The following MAGEA8 variants were observed in gnomAD, a reference collection of about 807,000 sequenced individuals.
MAGEA8 encodes melanoma-associated antigen 8.
For missense variants in MAGEA8, 229 were observed against 251.1 expected (o/e 0.91, Z 0.59); for synonymous variants, 104 against 102.6 (o/e 1.01, Z -0.08).
Position 149,884,285 on chromosome X carries a change from C to G in MAGEA8, c.13C>G (p.Gln5Glu), listed in dbSNP as rs142711367. 15 of 1,190,597 alleles carry G rather than the reference C, an allele frequency of 1.3e-5. No individual in the cohort carries two copies. The African/African-American group carries it at 2.5e-4, about 19-fold the overall frequency. Residue 5 changes from glutamine to glutamate, a missense_variant, in exon 3 of 3, where the codon CAG (glutamine) becomes GAG (glutamate). Physicochemically the swap from Gln to Glu is conservative, Grantham distance 29 (BLOSUM62 2). Transcript: ENST00000286482. MLLGQKSQRYKAEEG... is the reference protein window; with the variant it reads MLLGEKSQRYKAEEG... ...GACCTGAGTCATCATGCTTCTTGGG[C>G]AGAAGAGTCAGCGCTACAAGGCTGA...
In MAGEA8 at chrX:149,884,737, C is replaced by T; in HGVS notation, c.465C>T (p.Ser155=). The T allele has an allele frequency of 8.3e-7, 1 of 1,211,246 alleles. No homozygotes were observed. Among genetic ancestry groups the T allele is most frequent in the Non-Finnish European group, 1.1e-6 (1 of 894,881 alleles). ...AGAACCACTTTCCTGATATCTTCAG[C>T]AAAGCCTCTGAGTGCATGCAGGTGA... ...NYKNHFPDIF[S]KASECMQVIF... is the part of the protein sequence containing the mutation. Residue 155 remains serine (S), a synonymous_variant, in exon 3 of 3, where the codon AGC becomes AGT. Transcript: ENST00000286482.
In MAGEA8 at chrX:149,885,688, T is replaced by G. The variant is rs1569561975; in HGVS notation, c.*459T>G. 2 of 198,191 alleles carry G rather than the reference T, an allele frequency of 1.0e-5. No individual in the cohort carries two copies. The highest frequency in any genetic ancestry group is 2.9e-5 in the African/African-American group (1 of 33,951). The allele number at this position is 198,191 out of a possible 1,213,427, so 16.3% of individuals were successfully genotyped here. A position where few individuals can be genotyped will look rare whatever the true frequency, so the allele number is the denominator to read the frequency against. On this transcript the variant is annotated 3_prime_UTR_variant, in exon 3 of 3. Transcript: ENST00000286482. ...TTAGAAATGTGAAACAACATAGCAGTAAAATACATGAGATAAAGACATAAA... is the reference window on the plus strand; with the variant it reads ...TTAGAAATGTGAAACAACATAGCAGGAAAATACATGAGATAAAGACATAAA...
Position 149,885,005 on chromosome X carries a change from C to T in MAGEA8, c.733C>T (p.Leu245Phe). The T allele has an allele frequency of 8.3e-7, 1 of 1,208,320 alleles. No individual in the cohort carries two copies. The highest frequency in any genetic ancestry group is 1.1e-6 in the Non-Finnish European group (1 of 893,704). ...DGREHSVYWKLRKLLTQEWVQ... is the reference protein window; with the variant it reads ...DGREHSVYWKFRKLLTQEWVQ... ...GAGGGAGCACAGTGTCTATTGGAAG[C>T]TCAGGAAGCTGCTCACCCAAGAGTG... The change falls in exon 3 of 3, where the codon CTC (leucine) becomes TTC (phenylalanine). Residue 245 changes from leucine to phenylalanine, a missense_variant. Leu to Phe is a conservative substitution (Grantham distance 22). Coordinates refer to ENST00000286482, the MANE Select transcript of MAGEA8 (RefSeq NM_005364.5).
At position 149,884,441 on chromosome X, in the gene MAGEA8, G is replaced by T; in HGVS notation, c.169G>T (p.Gly57Trp). ...AACCCTTGAGGAGGTGACTGATTCT[G>T]GGTCACCAAGTCCTCCCCAGAGTCC... is the stretch of plus-strand genomic sequence containing the variant. The part of the protein sequence containing the change: ...MGTLEEVTDS[G>W]SPSPPQSPEG... Residue 57 changes from glycine (G) to tryptophan (W), a missense_variant, in exon 3 of 3, where the codon GGG becomes TGG. Gly to Trp is a radical substitution (Grantham distance 184). Coordinates refer to ENST00000286482, the MANE Select transcript of MAGEA8 (RefSeq NM_005364.5). The T allele has an allele frequency of 8.3e-7, 1 of 1,211,084 alleles. No individual in the cohort carries two copies. The highest frequency in any genetic ancestry group is 1.7e-5 in the African/African-American group (1 of 57,769).
At position 149,884,525 on chromosome X, in the gene MAGEA8, G is replaced by A. The variant is rs1415137949; in HGVS notation, c.253G>A (p.Glu85Lys). Residue 85 changes from glutamate to lysine, a missense_variant, in exon 3 of 3, where the codon GAG becomes AAG. Transcript: ENST00000286482. Reference sequence around the variant, plus strand: ...CAGCACTCTGTGGAGCCAATCCGATGAGGGTTCCAGCAGCAATGAAGAGGA... The same window carrying A: ...CAGCACTCTGTGGAGCCAATCCGATAAGGGTTCCAGCAGCAATGAAGAGGA... The part of the protein sequence containing the change: ...TDSTLWSQSD[E>K]GSSSNEEEGP... The A allele has an allele frequency of 8.3e-7, 1 of 1,211,747 alleles. No homozygotes were observed. Among genetic ancestry groups the A allele is most frequent in the African/African-American group, 1.7e-5 (1 of 57,849 alleles).
chrX:149,883,840 T>C (rs1557370784), intron 1 of MAGEA8: 1 of 119,918 alleles, frequency 8.3e-6, no homozygotes, highest in Non-Finnish European at 1.7e-5. Context: ...GGAACCAGGC[T>C]GTGAGGTCTT....
intron 1 of MAGEA8, chrX:149,883,154 G>A (rs922888741): frequency 1.8e-5 from 2 of 112,262 alleles, no homozygotes; most frequent in Non-Finnish European, 3.8e-5. Flanking sequence ...ACTATCAGCT[G>A]AGGCCCCTGT....
Position 149,881,591 on chromosome X carries a change from A to AGGCATGG in MAGEA8, c.-126+307_-126+313dup, listed in dbSNP as rs1395827520. Among the ~76,000 whole-genome samples, 3 of 73,325 alleles carry AGGCATGG rather than the reference A, an allele frequency of 4.1e-5. No individual in the cohort carries two copies. In the East Asian group the frequency reaches 1.6e-3, roughly 38 times the overall value. 63.7% of individuals were successfully genotyped at this position (73,325 alleles called of 115,157 possible). A position where few individuals can be genotyped will look rare whatever the true frequency, so the allele number is the denominator to read the frequency against. ...CCTACTGTCAGCCCTGGGAAGCCCT[A>AGGCATGG]GGCATGGCGGCCGGGCATGGCGGCC... On this transcript the variant is annotated intron_variant, in intron 1 of 2. Coordinates refer to ENST00000286482, the MANE Select transcript of MAGEA8 (RefSeq NM_005364.5).
intron 1 of MAGEA8, among the ~76,000 whole-genome samples, chrX:149,881,583 G>A (rs1296585095): frequency 1.2e-5 from 1 of 83,161 alleles, no homozygotes; most frequent in Non-Finnish European, 2.5e-5. Flanking sequence ...TCAGCCCTGG[G>A]AAGCCCTAGG....
Position 149,884,121 on chromosome X carries a change from A to T in MAGEA8, c.-77A>T. 2.2e-6 allele frequency: 1 copy of T among 463,779 alleles called. No individual in the cohort carries two copies. 38.2% of individuals were successfully genotyped at this position (463,779 alleles called of 1,213,427 possible). ...GGAGGTCAGGAGGCCCCAGAGAAGC[A>T]CTGAAGAAGACCTGTAAGTAGACCT... On this transcript the variant is annotated 5_prime_UTR_variant, in exon 2 of 3. Coordinates refer to ENST00000286482, the MANE Select transcript of MAGEA8 (RefSeq NM_005364.5).
At chrX:149,883,051 A>G (rs1459420688) in intron 1 of MAGEA8, 1 of 112,032 alleles carries the variant, frequency 8.9e-6, no homozygotes, top group Non-Finnish European at 1.9e-5. Flanking sequence ...GATTGAGGGT[A>G]CCCTCGATGG....
chrX:149,884,512 G>A lies in MAGEA8; in HGVS notation c.240G>A (p.Trp80Ter), dbSNP rs1557370912. Residue 80 changes from tryptophan (W) to a stop codon, truncating the protein, a stop_gained, in exon 3 of 3, where the codon TGG (tryptophan) becomes TGA (stop). Coordinates refer to ENST00000286482, the MANE Select transcript of MAGEA8 (RefSeq NM_005364.5). LOFTEE classifies it low-confidence loss of function (END_TRUNC). ...TGACTGTCACCGACAGCACTCTGTG[G>A]AGCCAATCCGATGAGGGTTCCAGCA... ...SSLTVTDSTLWSQSDEGSSSN... is the reference protein window; with the variant it reads ...SSLTVTDSTL 1 of 1,211,492 alleles carries A rather than the reference G, an allele frequency of 8.3e-7. No individual in the cohort carries two copies. The highest frequency in any genetic ancestry group is 1.1e-6 in the Non-Finnish European group (1 of 895,339).
At chrX:149,882,568 G>C (rs926736971) in intron 1 of MAGEA8, among the ~76,000 whole-genome samples, 6 of 111,011 alleles carry the variant, frequency 5.4e-5, no homozygotes, top group African/African-American at 2.0e-4. Flanking sequence ...GATGAATGGG[G>C]GTACTCCTGG....
chrX:149,885,222 G>A lies in MAGEA8; in HGVS notation c.950G>A (p.Gly317Glu). 1 of 1,185,599 alleles carries A rather than the reference G, an allele frequency of 8.4e-7. No homozygotes were observed. ...GAAGAGGCTTTGGGAGAGGAGAAAG[G>A]AGTTTGAGCAGGAGTTGCAGCTAGG... ...LHEEALGEEK[G>E]V Residue 317 changes from glycine (G) to glutamate (E), a missense_variant, in exon 3 of 3, where the codon GGA (glycine) becomes GAA (glutamate). Transcript: ENST00000286482.
chrX:149,885,036 A>C lies in MAGEA8; in HGVS notation c.764A>C (p.Gln255Pro). 8.3e-7 allele frequency: 1 copy of C among 1,209,990 alleles called. No individual in the cohort carries two copies. The highest frequency in any genetic ancestry group is 3.0e-5 in the East Asian group (1 of 33,837). ...LRKLLTQEWV[Q>P]ENYLEYRQAP... Reference sequence around the variant, plus strand: ...AAGCTGCTCACCCAAGAGTGGGTGCAGGAGAACTACCTGGAGTACCGCCAG... The same window carrying C: ...AAGCTGCTCACCCAAGAGTGGGTGCCGGAGAACTACCTGGAGTACCGCCAG... Residue 255 changes from glutamine to proline, a missense_variant, in exon 3 of 3, where the codon CAG becomes CCG. Physicochemically the swap from Gln to Pro is moderately conservative, Grantham distance 76 (BLOSUM62 -1). Transcript: ENST00000286482.
Position 149,885,658 on chromosome X carries a change from T to C in MAGEA8, c.*429T>C. 1 of 236,086 alleles carries C rather than the reference T, an allele frequency of 4.2e-6. No homozygotes were observed. The highest frequency in any genetic ancestry group is 8.0e-6 in the Non-Finnish European group (1 of 124,992). 19.5% of individuals were successfully genotyped at this position (236,086 alleles called of 1,213,427 possible). On this transcript the variant is annotated 3_prime_UTR_variant, in exon 3 of 3. Coordinates refer to ENST00000286482, the MANE Select transcript of MAGEA8 (RefSeq NM_005364.5). Reference sequence around the variant, plus strand: ...ACACTACAAGAGCAGAGGATTAAGGTTTTTTTAGAAATGTGAAACAACATA... The same window carrying C: ...ACACTACAAGAGCAGAGGATTAAGGCTTTTTTAGAAATGTGAAACAACATA...
Position 149,884,376 on chromosome X carries a change from A to T in MAGEA8, c.104A>T (p.Glu35Val), listed in dbSNP as rs1262720920. ...LMDVQIPTAE[E>V]QKAASSSSTL... is the part of the protein sequence containing the mutation. Reference sequence around the variant, plus strand: ...GATGTGCAGATTCCCACAGCTGAGGAGCAGAAGGCTGCATCCTCCTCCTCT... The same window carrying T: ...GATGTGCAGATTCCCACAGCTGAGGTGCAGAAGGCTGCATCCTCCTCCTCT... Residue 35 changes from glutamate to valine, a missense_variant, in exon 3 of 3, where the codon GAG becomes GTG. Transcript: ENST00000286482. 8.3e-7 allele frequency: 1 copy of T among 1,208,650 alleles called. No individual in the cohort carries two copies. The highest frequency in any genetic ancestry group is 1.7e-5 in the African/African-American group (1 of 57,337).
rs782225745 is a variant in MAGEA8, at chrX:149,884,823, G to C, written c.551G>C (p.Cys184Ser). 1 of 1,209,532 alleles carries C rather than the reference G, an allele frequency of 8.3e-7. No homozygotes were observed. Among genetic ancestry groups the C allele is most frequent in the African/African-American group, 1.7e-5 (1 of 57,227 alleles). ...PAGHSYILVTCLGLSYDGLLG... is the reference protein window; with the variant it reads ...PAGHSYILVTSLGLSYDGLLG... ...GGCCACTCCTACATCCTTGTCACCT[G>C]CCTGGGCCTCTCCTATGATGGCCTG... The change falls in exon 3 of 3, where the codon TGC (cysteine) becomes TCC (serine). Residue 184 changes from cysteine to serine, a missense_variant. Coordinates refer to ENST00000286482, the MANE Select transcript of MAGEA8 (RefSeq NM_005364.5).
At chrX:149,881,571 T>G (rs2090727696) in intron 1 of MAGEA8, among the ~76,000 whole-genome samples, 1 of 96,383 alleles carries the variant, frequency 1.0e-5, no homozygotes, top group Non-Finnish European at 2.2e-5. Context: ...CTGCCCCTAC[T>G]GTCAGCCCTG....
Sources: allele counts gnomAD v4.1 joint callset (sites outside exome capture counted in the v4.1 genomes callset), GRCh38; gene constraint gnomAD v4.1.1; transcripts MANE v1.5; gene names NCBI Gene and HGNC (gene_info 2026-07-23, HGNC 2026-07-21).